The following NARS2 variants were observed in gnomAD, a reference collection of about 807,000 sequenced individuals.
The protein encoded by NARS2 is asparaginyl-tRNA synthetase 2, mitochondrial, also known as asparaginyl-tRNA synthetase.
NARS2 carries 60 observed loss-of-function variants against 62.9 expected under a neutral mutation model. That is an observed-to-expected ratio of 0.95 (90% CI 0.77 to 1.18). The LOEUF is 1.18. Among genes scored for constraint, NARS2 ranks in the 50% most tolerant of loss-of-function variants. The pLI, the probability that NARS2 is intolerant of heterozygous loss-of-function variation, is 0.00. For missense variants in NARS2, 619 were observed against 576.4 expected (o/e 1.07, Z -0.76); for synonymous variants, 196 against 200.0 (o/e 0.98, Z 0.17).
chr11:78,454,327 G>A (rs534017052), intron 11 of NARS2, among the ~76,000 whole-genome samples: 29 of 152,304 alleles, frequency 1.9e-4, no homozygotes, highest in South Asian at 1.4e-3. Flanking sequence ...AGGGGCAGGT[G>A]TTGGATCATG....
chr11:78,495,318 C>A (rs1201302138), intron 6 of NARS2, among the ~76,000 whole-genome samples: 2 of 152,024 alleles, frequency 1.3e-5, no homozygotes, highest in African/African-American at 4.8e-5. Context: ...CCCTGTATTG[C>A]CTCCTCCCCT....
intron 5 of NARS2, among the ~76,000 whole-genome samples, chr11:78,539,002 A>C (rs1855504543): frequency 4.7e-5 from 2 of 42,812 alleles, no homozygotes; most frequent in Non-Finnish European, 1.7e-4. Flanking sequence ...CTCAAAAAAA[A>C]AAAAAAAAAA....
chr11:78,534,841 C>A (rs573605051), intron 5 of NARS2, among the ~76,000 whole-genome samples: 20 of 152,168 alleles, frequency 1.3e-4, no homozygotes, highest in African/African-American at 4.6e-4. Context: ...ACAAATTTCT[C>A]AATGGAAAGA....
chr11:78,550,760 C>T (rs528250118), intron 5 of NARS2, among the ~76,000 whole-genome samples: 2 of 152,168 alleles, frequency 1.3e-5, no homozygotes, highest in Non-Finnish European at 2.9e-5. Context: ...ATCATAAATT[C>T]ATCCACACAA....
chr11:78,468,320 AAAAAAAAAG>A (rs1406722347), intron 10 of NARS2, among the ~76,000 whole-genome samples: 114 of 149,258 alleles, frequency 7.6e-4, no homozygotes, highest in Middle Eastern at 3.5e-3. Flanking sequence ...GAAAAAAAAA[AAAAAAAAAG>A]AAAAAAAAGA....
At chr11:78,571,750 T>C (rs1856932112) in intron 1 of NARS2, 1 of 233,838 alleles carries the variant, frequency 4.3e-6, no homozygotes. Flanking sequence ...ATTCCAGGTA[T>C]TTCCTCCCAG....
chr11:78,536,372 C>T (rs1444740949), intron 5 of NARS2, among the ~76,000 whole-genome samples: 1 of 152,112 alleles, frequency 6.6e-6, no homozygotes, highest in Non-Finnish European at 1.5e-5. Flanking sequence ...GAAGGCATTG[C>T]CATCATAGGA....
At chr11:78,526,989 A>T (rs1861317945) in intron 6 of NARS2, among the ~76,000 whole-genome samples, 1 of 152,200 alleles carries the variant, frequency 6.6e-6, no homozygotes, top group Non-Finnish European at 1.5e-5. Context: ...ACTTAGGGAA[A>T]GGGAAATGTA....
chr11:78,460,664 T>C (rs1858358795), intron 11 of NARS2, among the ~76,000 whole-genome samples: 1 of 152,136 alleles, frequency 6.6e-6, no homozygotes, highest in East Asian at 1.9e-4. Flanking sequence ...TACAATTAGA[T>C]GAATACAGAA....
rs191531519 is a variant in NARS2, at chr11:78,530,447, A to T, written c.595-1511T>A. Among the ~76,000 whole-genome samples the T allele has an allele frequency of 1.0e-3, 157 of 151,796 alleles. 4 individuals are homozygous for T. The East Asian group carries it at 0.026, about 25-fold the overall frequency. ...TTCTCTCATTTCTTGTATTTATATA[A>T]AAAAAAAGTCTGGTCTTAATAATAA... On this transcript the variant is annotated intron_variant, in intron 5 of 13. Transcript: ENST00000281038.
Position 78,436,814 on chromosome 11 carries a change from C to A in NARS2, c.1290G>T (p.Trp430Cys). ...ATCCAAATCGACGAAGGTCCAGATA[C>A]CTGTTTTTCAAAAATAGAAAATCAT... ...ARSGLTEVYQ[W>C]YLDLRRFGSV... Residue 430 changes from tryptophan to cysteine, a missense_variant and splice_region_variant, in exon 14 of 14, where the codon TGG becomes TGT. Physicochemically the swap from Trp to Cys is radical, Grantham distance 215. Transcript: ENST00000281038. 1 of 1,613,044 alleles carries A rather than the reference C, an allele frequency of 6.2e-7. No individual in the cohort carries two copies. Among genetic ancestry groups the A allele is most frequent in the Non-Finnish European group, 8.5e-7 (1 of 1,179,658 alleles).
intron 4 of NARS2, among the ~76,000 whole-genome samples, chr11:78,560,260 T>C (rs1196056165): frequency 1.3e-5 from 2 of 152,228 alleles, no homozygotes; most frequent in Admixed American, 6.5e-5. Context: ...GGCAGTGTAC[T>C]TCCTTTGCCT....
At chr11:78,464,501 G>T (rs978814455) in intron 11 of NARS2, among the ~76,000 whole-genome samples, 1 of 152,154 alleles carries the variant, frequency 6.6e-6, no homozygotes, top group East Asian at 1.9e-4. Flanking sequence ...TAGACACAAA[G>T]GTTCTCCACG....
At chr11:78,566,403 A>G (rs1029380868) in intron 3 of NARS2, 131 bp from the exon 4 acceptor site, 1 of 677,610 alleles carries the variant, frequency 1.5e-6, no homozygotes, top group African/African-American at 1.8e-5. Flanking sequence ...TTCTTAATAT[A>G]ACTGATTTTA....
At chr11:78,544,485 C>T (rs142136292) in intron 5 of NARS2, among the ~76,000 whole-genome samples, 12 of 152,252 alleles carry the variant, frequency 7.9e-5, no homozygotes, top group Admixed American at 2.0e-4. Context: ...TACTTTCATG[C>T]GGAACTCTTA....
rs973258905 is a variant in NARS2, at chr11:78,478,563, C to T, written c.921+22G>A. On this transcript the variant is annotated intron_variant, in intron 8 of 13. Coordinates refer to ENST00000281038, the MANE Select transcript of NARS2 (RefSeq NM_024678.6). ...CACATTAAACAGTAGATGTATTGGGCTTTATCCATAAAACTAATTACCTTT... is the reference window on the plus strand; with the variant it reads ...CACATTAAACAGTAGATGTATTGGGTTTTATCCATAAAACTAATTACCTTT... The T allele has an allele frequency of 2.0e-6, 3 of 1,492,468 alleles. No individual in the cohort carries two copies. The African/African-American group carries it at 4.1e-5, about 21-fold the overall frequency. The allele number at this position is 1,492,468 out of a possible 1,614,324, so 92.5% of individuals were successfully genotyped here.
At chr11:78,479,294 T>A (rs908003) in intron 7 of NARS2, among the ~76,000 whole-genome samples, 36,013 of 152,018 alleles carry the variant, frequency 0.24, 4,599 homozygotes, top group East Asian at 0.42. Context: ...ATATAAGAAC[T>A]TATTCTCAAG....
At chr11:78,527,828 G>A (rs1270247228) in intron 6 of NARS2, among the ~76,000 whole-genome samples, 1 of 152,160 alleles carries the variant, frequency 6.6e-6, no homozygotes, top group Non-Finnish European at 1.5e-5. Context: ...TACCCCCAGA[G>A]GCCAGGCTCA....
chr11:78,515,599 G>A (rs909250149), intron 6 of NARS2, among the ~76,000 whole-genome samples: 6 of 151,864 alleles, frequency 4.0e-5, no homozygotes, highest in African/African-American at 7.3e-5. Context: ...GCTCACTGCA[G>A]CCTTGAATCC....
Sources: allele counts gnomAD v4.1 joint callset (sites outside exome capture counted in the v4.1 genomes callset), GRCh38; gene constraint gnomAD v4.1.1; transcripts MANE v1.5; gene names NCBI Gene and HGNC (gene_info 2026-07-23, HGNC 2026-07-21).